PCSK2: variants seen among roughly 807,000 people sequenced by gnomAD.
PCSK2 encodes proprotein convertase subtilisin/kexin type 2, also known as neuroendocrine convertase 2.
In PCSK2, 14 loss-of-function variants were observed where a neutral mutation model predicts 69.7. The observed-to-expected ratio is 0.20, with a 90% CI of 0.13 to 0.31. PCSK2 has a LOEUF of 0.31. Among genes scored for constraint, PCSK2 ranks in the 10% least tolerant of loss-of-function variants. The pLI, the probability that PCSK2 is intolerant of heterozygous loss-of-function variation, is 1.00. For missense variants in PCSK2, 544 were observed against 842.5 expected (o/e 0.65, Z 4.39); for synonymous variants, 307 against 320.7 (o/e 0.96, Z 0.46).
intron 2 of PCSK2, among the ~76,000 whole-genome samples, chr20:17,261,871 T>A (rs1352754888): frequency 6.6e-6 from 1 of 152,230 alleles, no homozygotes; most frequent in Admixed American, 6.5e-5. Context: ...AAAAGTCCCA[T>A]TGGCTACTCT....
chr20:17,387,830 TA>T (rs2031276254), intron 5 of PCSK2, among the ~76,000 whole-genome samples: 1 of 152,128 alleles, frequency 6.6e-6, no homozygotes, highest in Non-Finnish European at 1.5e-5. Context: ...CCTTAGCAAC[TA>T]GAGGGTAAAA....
At chr20:17,355,748 G>A (rs1368382033) in intron 2 of PCSK2, among the ~76,000 whole-genome samples, 1 of 151,968 alleles carries the variant, frequency 6.6e-6, no homozygotes, top group Non-Finnish European at 1.5e-5. Context: ...GCCCCCAGCT[G>A]CTGCACTCTG....
rs191502049 is a variant in PCSK2 at position 17,325,454 on chromosome 20, G to A, written c.283-32873G>A. On this transcript the variant is annotated intron_variant, in intron 2 of 11. Transcript: ENST00000262545. ...AGACACTAAAATAACCCAATGGGGC[G>A]TGTGATCACCTTGATTACATGTTCC... Among the ~76,000 whole-genome samples, 443 of 152,280 alleles carry A rather than the reference G, an allele frequency of 2.9e-3. 2 individuals carry two copies. Among genetic ancestry groups the A allele is most frequent in the African/African-American group, 6.1e-3 (253 of 41,560 alleles).
At chr20:17,338,054 G>A (rs567266081) in intron 2 of PCSK2, among the ~76,000 whole-genome samples, 2 of 151,848 alleles carry the variant, frequency 1.3e-5, no homozygotes, top group Non-Finnish European at 2.9e-5. Context: ...TTCAGGTCAG[G>A]CAGGCCCTGG....
intron 5 of PCSK2, among the ~76,000 whole-genome samples, chr20:17,370,449 C>A (rs1410295718): frequency 1.3e-5 from 2 of 152,176 alleles, no homozygotes; most frequent in African/African-American, 4.8e-5. Flanking sequence ...AGAGGAGCAT[C>A]TTTTTTAATA....
chr20:17,420,464 C>A (rs551414870), intron 6 of PCSK2, among the ~76,000 whole-genome samples: 2 of 152,212 alleles, frequency 1.3e-5, no homozygotes, highest in Non-Finnish European at 2.9e-5. Flanking sequence ...AACCAGAGCA[C>A]AGTGAAATCC....
At chr20:17,474,103 T>G (rs1367461310) in intron 11 of PCSK2, among the ~76,000 whole-genome samples, 1 of 152,138 alleles carries the variant, frequency 6.6e-6, no homozygotes, top group African/African-American at 2.4e-5. Flanking sequence ...GGGGTTTCAG[T>G]AGATGGTGAC....
At chr20:17,454,085 G>C in intron 9 of PCSK2, 128 bp downstream of exon 9, 1 of 1,323,884 alleles carries the variant, frequency 7.6e-7, no homozygotes, top group Admixed American at 2.4e-5. Flanking sequence ...GGCTCTGAAG[G>C]GAAGACCCCT....
At chr20:17,303,469 TA>T (rs1989184135) in intron 2 of PCSK2, among the ~76,000 whole-genome samples, 1 of 57,920 alleles carries the variant, frequency 1.7e-5, no homozygotes, top group Non-Finnish European at 3.6e-5. Flanking sequence ...ATATAATATA[TA>T]TTATATATAA....
chr20:17,476,469 G>C (rs909758865), intron 11 of PCSK2, among the ~76,000 whole-genome samples: 17 of 152,164 alleles, frequency 1.1e-4, no homozygotes, highest in African/African-American at 4.1e-4. Context: ...TACCATACTA[G>C]AGATTATATA....
chr20:17,438,541 A>G (rs2032532288), intron 8 of PCSK2, among the ~76,000 whole-genome samples: 1 of 152,190 alleles, frequency 6.6e-6, no homozygotes, highest in Non-Finnish European at 1.5e-5. Context: ...GAATTAATGC[A>G]GACACGAAAT....
chr20:17,278,626 C>T (rs940397148), intron 2 of PCSK2, among the ~76,000 whole-genome samples: 2 of 151,896 alleles, frequency 1.3e-5, no homozygotes, highest in South Asian at 2.1e-4. Context: ...TGCTAAATGA[C>T]GAGTTAATGG....
chr20:17,242,203 C>T (rs1986603692), intron 1 of PCSK2, among the ~76,000 whole-genome samples: 1 of 152,214 alleles, frequency 6.6e-6, no homozygotes, highest in South Asian at 2.1e-4. Context: ...TGAGCATTAT[C>T]CGTGGAGAAC....
chr20:17,239,132 G>T (rs940189186), intron 1 of PCSK2, among the ~76,000 whole-genome samples: 3 of 152,128 alleles, frequency 2.0e-5, no homozygotes, highest in Non-Finnish European at 4.4e-5. Context: ...TAATCATTAA[G>T]AATCCAGTGA....
chr20:17,309,931 G>C lies in PCSK2; in HGVS notation c.283-48396G>C, dbSNP rs948486193. 5.9e-5 allele frequency among the ~76,000 whole-genome samples: 9 copies of C among 151,780 alleles called. No homozygotes were observed. In the East Asian group the frequency reaches 1.7e-3, roughly 29 times the overall value. ...GAAGAAAGGGAAGGGGAAGGGGAAG[G>C]GGGAGGAGGAGAGAGGTTTAATAGG... On this transcript the variant is annotated intron_variant, in intron 2 of 11. Transcript: ENST00000262545.
intron 5 of PCSK2, among the ~76,000 whole-genome samples, chr20:17,370,164 C>A (rs1459131196): frequency 6.6e-6 from 1 of 152,194 alleles, no homozygotes; most frequent in Admixed American, 6.5e-5. Context: ...CAAACTATTT[C>A]TAAGCTATAC....
At chr20:17,332,217 T>C (rs1990224858) in intron 2 of PCSK2, among the ~76,000 whole-genome samples, 2 of 152,214 alleles carry the variant, frequency 1.3e-5, no homozygotes, top group Admixed American at 6.5e-5. Context: ...TAGGGTGGAC[T>C]CAGCTTGGGA....
intron 10 of PCSK2, among the ~76,000 whole-genome samples, chr20:17,461,191 A>G (rs2123394356): frequency 6.6e-6 from 1 of 152,224 alleles, no homozygotes; most frequent in African/African-American, 2.4e-5. Context: ...CCACACCACA[A>G]CTACACCAGG....
intron 10 of PCSK2, chr20:17,464,802 A>G (rs2284914): frequency 0.085 from 14,210 of 166,310 alleles, 755 homozygotes; most frequent in East Asian, 0.17. Context: ...TTTACTCCCT[A>G]TCTTTTGGAT....
Sources: allele counts gnomAD v4.1 joint callset (sites outside exome capture counted in the v4.1 genomes callset), GRCh38; gene constraint gnomAD v4.1.1; transcripts MANE v1.5; gene names NCBI Gene and HGNC (gene_info 2026-07-23, HGNC 2026-07-21).